Variants in LIPA observed in about 807,000 individuals in gnomAD.
LIPA encodes the protein lipase A, lysosomal acid type, also known as lysosomal acid lipase/cholesteryl ester hydrolase.
Under a neutral mutation model 40.6 loss-of-function variants are expected in LIPA, and 26 were observed. The ratio of observed to expected loss-of-function variants is 0.64; its 90% confidence interval spans 0.47 to 0.89. LIPA has a LOEUF of 0.89. Among genes scored for constraint, LIPA ranks in the 40% least tolerant of loss-of-function variants. The pLI is 0.00. For synonymous variants in LIPA, 188 were observed against 168.4 expected (o/e 1.12, Z -0.90); for missense variants, 455 against 479.6 (o/e 0.95, Z 0.48).
rs1458439597 is a variant in LIPA, at chr10:89,228,171, C to T, written c.428+29G>A. 3 of 1,578,926 alleles carry T rather than the reference C, an allele frequency of 1.9e-6. No homozygotes were observed. The African/African-American group carries it at 4.0e-5, about 21-fold the overall frequency. ...CTGCTTTAAGAGTACTAAGGAAATA[C>T]ATCCATGCCATTATCAATTCATATA... is the stretch of plus-strand genomic sequence containing the variant. On this transcript the variant is annotated intron_variant, in intron 4 of 9. Coordinates refer to ENST00000336233, the MANE Select transcript of LIPA (RefSeq NM_000235.4).
chr10:89,403,510 C>G, intron 2 of LIPA: 2 of 1,612,864 alleles, frequency 1.2e-6, no homozygotes, highest in Non-Finnish European at 1.7e-6. Flanking sequence ...GAACAGGCAT[C>G]ATTAACAAGG....
rs138136435 is a variant in LIPA, at chr10:89,287,700, G to A, written c.-1-40051C>T. On this transcript the variant is annotated intron_variant, in intron 1 of 5. Transcript: ENST00000282673. ...ATGCCAATATCCCATCCCACAGCAC[G>A]CTTTAAAAAGGATTAAAGCATGTTA... 6.7e-3 allele frequency among the ~76,000 whole-genome samples: 1,021 copies of A among 152,162 alleles called. 41 individuals are homozygous for A. The highest frequency in any genetic ancestry group is 0.06 in the Admixed American group (912 of 15,286).
At chr10:89,257,563 G>A (rs1843187421) in intron 1 of LIPA, among the ~76,000 whole-genome samples, 1 of 152,152 alleles carries the variant, frequency 6.6e-6, no homozygotes, top group African/African-American at 2.4e-5. Flanking sequence ...TTCAGACATT[G>A]GACAACAAAT....
chr10:89,236,886 C>T (rs1248303154), intron 3 of LIPA, among the ~76,000 whole-genome samples: 14 of 152,062 alleles, frequency 9.2e-5, no homozygotes, highest in Admixed American at 8.5e-4. Context: ...TATATGACAA[C>T]TTAAAGAAAA....
intron 2 of LIPA, among the ~76,000 whole-genome samples, chr10:89,375,397 G>T (rs1293240030): frequency 6.6e-6 from 1 of 152,220 alleles, no homozygotes; most frequent in Non-Finnish European, 1.5e-5. Flanking sequence ...TGCCCAAGCT[G>T]CAGAGCAAGA....
At chr10:89,279,516 A>G (rs1232832245) in intron 1 of LIPA, among the ~76,000 whole-genome samples, 2 of 152,318 alleles carry the variant, frequency 1.3e-5, no homozygotes, top group Admixed American at 1.3e-4. Flanking sequence ...AGGATTCCAG[A>G]TTTCTAAATG....
Position 89,394,577 on chromosome 10 carries a change from A to AAT in LIPA, c.61+18212_61+18213dup, listed in dbSNP as rs200060906. Among the ~76,000 whole-genome samples, 549 of 108,456 alleles carry AAT rather than the reference A, an allele frequency of 5.1e-3. 4 individuals are homozygous for AAT. The highest frequency in any genetic ancestry group is 7.5e-3 in the Non-Finnish European group (417 of 55,472). 71.2% of individuals were successfully genotyped at this position (108,456 alleles called of 152,430 possible). The stretch of plus-strand genomic sequence containing the variant: ...TTTATGTCAATATGTACTACAGGAA[A>AAT]ATATATATATATATATATATATATA... On this transcript the variant is annotated intron_variant, in intron 2 of 8. Coordinates refer to the LIPA transcript ENST00000371837.
At chr10:89,305,406 G>T (rs1843471990) in intron 1 of LIPA, among the ~76,000 whole-genome samples, 1 of 152,100 alleles carries the variant, frequency 6.6e-6, no homozygotes, top group Non-Finnish European at 1.5e-5. Context: ...AATCGAAAGT[G>T]ATAAAGATTT....
At chr10:89,290,932 A>C (rs1333387451) in intron 1 of LIPA, among the ~76,000 whole-genome samples, 1 of 152,262 alleles carries the variant, frequency 6.6e-6, no homozygotes, top group Non-Finnish European at 1.5e-5. Flanking sequence ...AAAATATTTC[A>C]AAGTTAAGGG....
intron 2 of LIPA, among the ~76,000 whole-genome samples, chr10:89,389,166 A>C (rs1042691448): frequency 2.0e-5 from 3 of 152,264 alleles, no homozygotes; most frequent in African/African-American, 7.2e-5. Context: ...TCCAATTGTT[A>C]AATGTTAAAT....
chr10:89,378,683 T>C (rs1457428579), intron 2 of LIPA, among the ~76,000 whole-genome samples: 1 of 152,032 alleles, frequency 6.6e-6, no homozygotes, highest in Non-Finnish European at 1.5e-5. Context: ...GTCCATAGAG[T>C]CAGCTTCCAA....
chr10:89,398,687 T>C (rs940340795), intron 2 of LIPA, among the ~76,000 whole-genome samples: 10 of 152,366 alleles, frequency 6.6e-5, no homozygotes, highest in African/African-American at 2.4e-4. Flanking sequence ...AGTTTATCCA[T>C]GTTGTAACAT....
intron 1 of LIPA, among the ~76,000 whole-genome samples, chr10:89,280,375 G>T (rs930544836): frequency 6.6e-6 from 1 of 152,200 alleles, no homozygotes; most frequent in South Asian, 2.1e-4. Context: ...AACAGGAAAG[G>T]TTCCTTGAGA....
chr10:89,268,392 G>C (rs543622967), intron 1 of LIPA, among the ~76,000 whole-genome samples: 2 of 152,274 alleles, frequency 1.3e-5, no homozygotes, highest in South Asian at 4.1e-4. Context: ...TTAGTTGATT[G>C]TGTTTTTTAA....
chr10:89,316,136 C>G (rs1843540287), intron 1 of LIPA, among the ~76,000 whole-genome samples: 3 of 152,152 alleles, frequency 2.0e-5, no homozygotes, highest in Admixed American at 6.5e-5. Context: ...CAGCTCCAGT[C>G]TATAGCTCCC....
Position 89,339,347 on chromosome 10 carries a change from A to T in LIPA, c.-2+3264T>A, listed in dbSNP as rs760431631. The stretch of plus-strand genomic sequence containing the variant: ...GAAGCTGAAGGAGAGCAGTTTGTTG[A>T]AGAAGCCTTGGAAAAGTCTCCTTGC... On this transcript the variant is annotated intron_variant, in intron 1 of 5. Transcript: ENST00000282673. 1.9e-6 allele frequency: 3 copies of T among 1,613,688 alleles called. No individual in the cohort carries two copies. The Admixed American group carries it at 5.0e-5, about 27-fold the overall frequency.
At chr10:89,296,930 C>T (rs1027299979) in intron 1 of LIPA, among the ~76,000 whole-genome samples, 1 of 152,150 alleles carries the variant, frequency 6.6e-6, no homozygotes, top group Non-Finnish European at 1.5e-5. Flanking sequence ...ACCAGGGCAA[C>T]AAGCAGGGAT....
chr10:89,275,103 T>G (rs1843283269), intron 1 of LIPA, among the ~76,000 whole-genome samples: 1 of 152,196 alleles, frequency 6.6e-6, no homozygotes, highest in African/African-American at 2.4e-5. Context: ...TCCCAGAATT[T>G]CCTCGTGTTT....
chr10:89,372,288 G>A (rs1175697635), intron 2 of LIPA, among the ~76,000 whole-genome samples: 1 of 152,176 alleles, frequency 6.6e-6, no homozygotes, highest in Non-Finnish European at 1.5e-5. Context: ...AGTAGCCACA[G>A]GGACCCTTTG....
Sources: gnomAD v4.1 joint callset for allele counts (sites outside exome capture counted in the v4.1 genomes callset) on GRCh38, gnomAD v4.1.1 for gene constraint, MANE v1.5 for transcripts, NCBI Gene and HGNC (gene_info 2026-07-23, HGNC 2026-07-21) for gene names.